SEC23A: variants seen among roughly 807,000 people sequenced by gnomAD.
The protein encoded by SEC23A is protein transport protein Sec23A.
A neutral mutation model predicts 103.7 loss-of-function variants in SEC23A; 56 were observed. That is an observed-to-expected ratio of 0.54 (90% CI 0.44 to 0.67). The LOEUF (loss-of-function observed/expected upper bound fraction) is 0.67, where lower values mean the gene tolerates loss of function less well. SEC23A is among the 30% of genes least tolerant of loss of function. SEC23A has a pLI of 0.00. For missense variants in SEC23A, 784 were observed against 936.4 expected, an observed-to-expected ratio of 0.84 and a Z score of 2.12; for synonymous variants, 281 against 293.0, an observed-to-expected ratio of 0.96 and a Z score of 0.42.
At chr14:39,038,888 T>C (rs986975974) in intron 19 of SEC23A, 143 bp downstream of exon 19, 1 of 759,078 alleles carries the variant, frequency 1.3e-6, no homozygotes, top group South Asian at 1.7e-5. Context: ...CAAATATTAA[T>C]TCTGTTTTCT....
intron 14 of SEC23A, among the ~76,000 whole-genome samples, chr14:39,049,333 AG>A (rs1197131026): frequency 3.9e-5 from 6 of 151,942 alleles, no homozygotes; most frequent in Non-Finnish European, 5.9e-5. Context: ...AAAATAAGCC[AG>A]GCATGGTGGT....
At chr14:39,092,949 C>T (rs1292422887) in intron 3 of SEC23A, 7 of 480,518 alleles carry the variant, frequency 1.5e-5, no homozygotes, top group Non-Finnish European at 2.6e-5. Context: ...CTGCAAGCTC[C>T]ACCTCCCGGG....
intron 3 of SEC23A, 112 bp from the exon 4 acceptor site, chr14:39,092,739 C>A (rs1887703983): frequency 1.5e-6 from 1 of 659,328 alleles, no homozygotes; most frequent in Non-Finnish European, 2.6e-6. Context: ...AAGGCATTTT[C>A]ATTAAATGAG....
rs571852459 is a variant in SEC23A, at chr14:39,050,924, A to C, written c.1660-2195T>G. 6.5e-4 allele frequency among the ~76,000 whole-genome samples: 99 copies of C among 152,370 alleles called. 1 individual carries two copies. Among genetic ancestry groups the C allele is most frequent in the African/African-American group, 2.2e-3 (93 of 41,588 alleles). On this transcript the variant is annotated intron_variant, in intron 14 of 19. Transcript: ENST00000307712. ...AATCATGTGTGGATACCAGTATCTT[A>C]TGTGATAAATGACTTAGGTGATAAC...
At chr14:39,063,264 A>G (rs914569897) in intron 12 of SEC23A, 60 bp downstream of exon 12, 7 of 996,890 alleles carry the variant, frequency 7.0e-6, no homozygotes, top group Non-Finnish European at 1.1e-5. Flanking sequence ...CATGGCCTAA[A>G]GTAAGTACTT....
intron 5 of SEC23A, 106 bp from the exon 6 acceptor site, chr14:39,087,114 T>C (rs1283834952): frequency 5.5e-6 from 4 of 733,914 alleles, no homozygotes; most frequent in Non-Finnish European, 9.7e-6. Flanking sequence ...AACACAAAAA[T>C]AAAAAATACA....
At chr14:39,091,438 AT>A (rs777522801) in intron 5 of SEC23A, 38 bp downstream of exon 5, 1 of 1,475,914 alleles carries the variant, frequency 6.8e-7, no homozygotes, top group Non-Finnish European at 9.5e-7. Flanking sequence ...ATATAGAGTA[AT>A]TTTCAGATAG....
At chr14:39,079,366 TA>T (rs1308245353) in intron 7 of SEC23A, among the ~76,000 whole-genome samples, 1 of 152,244 alleles carries the variant, frequency 6.6e-6, no homozygotes, top group African/African-American at 2.4e-5. Context: ...ATAATCGCTC[TA>T]CTTTATTCCA....
In SEC23A at chr14:39,095,913, A is replaced by G; in HGVS notation, c.206T>C (p.Val69Ala). 1 of 1,613,102 alleles carries G rather than the reference A, an allele frequency of 6.2e-7. No individual in the cohort carries two copies. ...TTTTACTTACCATAAAGGATTCAAA[A>G]CTGCACGGCAAGTGGTCCTACTACA... ...VLCSRTTCRA[V>A]LNPLCQVDYR... Residue 69 changes from valine (V) to alanine (A), a missense_variant, in exon 2 of 20, where the codon GTT becomes GCT. Val to Ala is a moderately conservative substitution (Grantham distance 64). This residue lies in a region of SEC23A where 683 missense variants were observed against 774.2 expected (regional missense o/e 0.88). Transcript: ENST00000307712.
At chr14:39,097,793 G>A (rs945938424) in intron 1 of SEC23A, among the ~76,000 whole-genome samples, 4 of 152,102 alleles carry the variant, frequency 2.6e-5, no homozygotes, top group African/African-American at 7.2e-5. Flanking sequence ...GTTTAGAAAA[G>A]ACTATTTTGG....
intron 7 of SEC23A, among the ~76,000 whole-genome samples, chr14:39,083,847 G>C (rs554902817): frequency 6.6e-6 from 1 of 151,978 alleles, no homozygotes; most frequent in African/African-American, 2.4e-5. Flanking sequence ...TTACAGGCGT[G>C]AGCCAACACG....
At position 39,054,433 on chromosome 14, in the gene SEC23A, T is replaced by C. The variant is rs61686019; in HGVS notation, c.1659+710A>G. ...TCTAGAACCAGATAATACAGACTTGTCTATATTTTGCATGTTAATATGCAT... is the reference window on the plus strand; with the variant it reads ...TCTAGAACCAGATAATACAGACTTGCCTATATTTTGCATGTTAATATGCAT... On this transcript the variant is annotated intron_variant, in intron 14 of 19. Coordinates refer to ENST00000307712, the MANE Select transcript of SEC23A (RefSeq NM_006364.4). 8.6e-3 allele frequency among the ~76,000 whole-genome samples: 1,305 copies of C among 152,294 alleles called. 21 individuals are homozygous for C. The highest frequency in any genetic ancestry group is 0.029 in the African/African-American group (1,216 of 41,560).
In SEC23A at chr14:39,048,673, T is replaced by G. The variant is rs377098524; in HGVS notation, c.1716A>C (p.Glu572Asp). 1.8e-5 allele frequency: 28 copies of G among 1,596,800 alleles called. No homozygotes were observed. The African/African-American group carries it at 3.3e-4, about 19-fold the overall frequency. The change falls in exon 15 of 20, where the codon GAA (glutamate) becomes GAC (aspartate). Residue 572 changes from glutamate to aspartate, a missense_variant. Coordinates refer to ENST00000307712, the MANE Select transcript of SEC23A (RefSeq NM_006364.4). Reference protein sequence around the residue: ...KDDPSSFRFSETFSLYPQFMF... With the variant: ...KDDPSSFRFSDTFSLYPQFMF... ...TTACCTGTGGATAAAGGGAGAAAGTTTCTGAAAATCTGAAGGAACTTGGGT... is the reference window on the plus strand; with the variant it reads ...TTACCTGTGGATAAAGGGAGAAAGTGTCTGAAAATCTGAAGGAACTTGGGT...
chr14:39,097,520 A>G (rs1181510136), intron 1 of SEC23A, among the ~76,000 whole-genome samples: 1 of 152,258 alleles, frequency 6.6e-6, no homozygotes, highest in African/African-American at 2.4e-5. Flanking sequence ...AAAGTTAGAT[A>G]TAACAATTTT....
intron 7 of SEC23A, among the ~76,000 whole-genome samples, chr14:39,079,819 T>C (rs1295160651): frequency 6.6e-6 from 1 of 151,878 alleles, no homozygotes; most frequent in Non-Finnish European, 1.5e-5. Context: ...CAAAAATCCA[T>C]CTAAAAAATA....
intron 1 of SEC23A, among the ~76,000 whole-genome samples, chr14:39,099,163 T>G (rs1271811077): frequency 1.7e-4 from 24 of 143,564 alleles, no homozygotes; most frequent in Admixed American, 6.3e-4. Context: ...GGTTTTTTTT[T>G]TTTTTTTTTT....
At chr14:39,079,908 T>C (rs1411532171) in intron 7 of SEC23A, among the ~76,000 whole-genome samples, 1 of 152,194 alleles carries the variant, frequency 6.6e-6, no homozygotes, top group African/African-American at 2.4e-5. Context: ...TACTTATTTG[T>C]ATATACCATT....
intron 9 of SEC23A, among the ~76,000 whole-genome samples, chr14:39,073,191 AAAAATAAAAT>A (rs540475177): frequency 1.2e-4 from 19 of 152,206 alleles, no homozygotes; most frequent in Non-Finnish European, 2.4e-4. Flanking sequence ...ACTCAGCAGT[AAAAATAAAAT>A]AAAATAAAAT....
At chr14:39,053,843 G>C (rs554727591) in intron 14 of SEC23A, among the ~76,000 whole-genome samples, 46 of 152,292 alleles carry the variant, frequency 3.0e-4, no homozygotes, top group African/African-American at 1.1e-3. Flanking sequence ...ATTAAGAACT[G>C]AGCTTAGCCA....
Sources: gnomAD v4.1 joint callset for allele counts (sites outside exome capture counted in the v4.1 genomes callset) on GRCh38, gnomAD v4.1.1 for gene constraint, gnomAD v4.1.1 regional missense constraint, MANE v1.5 for transcripts, NCBI Gene and HGNC (gene_info 2026-07-23, HGNC 2026-07-21) for gene names.